Variants in SUMF1 observed in about 807,000 individuals in gnomAD.
SUMF1 encodes sulfatase modifying factor 1.
Under a neutral mutation model 47.6 loss-of-function variants are expected in SUMF1, and 48 were observed. The observed-to-expected ratio is 1.01, with a 90% CI of 0.80 to 1.28. SUMF1 has a LOEUF of 1.28. Among genes scored for constraint, SUMF1 ranks in the 50% most tolerant of loss-of-function variants. SUMF1 has a pLI of 0.00. For synonymous variants in SUMF1, 230 were observed against 192.1 expected (o/e 1.20, Z -1.63); for missense variants, 571 against 485.4 (o/e 1.18, Z -1.66).
At chr3:4,085,424 A>T (rs1692651048) in intron 8 of SUMF1, among the ~76,000 whole-genome samples, 1 of 151,990 alleles carries the variant, frequency 6.6e-6, no homozygotes. Flanking sequence ...ACCAGTGATG[A>T]TCTTTCTTCA....
At chr3:4,225,191 T>C (rs1054758622) in intron 8 of SUMF1, among the ~76,000 whole-genome samples, 6 of 152,118 alleles carry the variant, frequency 3.9e-5, no homozygotes, top group African/African-American at 1.4e-4. Flanking sequence ...CCACTGGAGA[T>C]AGTTAATCTT....
chr3:4,081,777 A>C (rs1230979514), intron 8 of SUMF1, among the ~76,000 whole-genome samples: 2 of 152,198 alleles, frequency 1.3e-5, no homozygotes, highest in Non-Finnish European at 2.9e-5. Context: ...TACTCAATCC[A>C]ACACAACTAG....
intron 7 of SUMF1, among the ~76,000 whole-genome samples, chr3:4,405,929 A>C (rs1701360447): frequency 6.6e-6 from 1 of 152,180 alleles, no homozygotes; most frequent in Admixed American, 6.5e-5. Context: ...GTTTTCATGG[A>C]GAGAATGAGT....
At chr3:4,180,235 A>C (rs1682476471) in intron 8 of SUMF1, among the ~76,000 whole-genome samples, 1 of 152,210 alleles carries the variant, frequency 6.6e-6, no homozygotes, top group Non-Finnish European at 1.5e-5. Flanking sequence ...CTATAAAGAC[A>C]TATGCACACG....
At chr3:4,308,187 G>C (rs1698265604) in intron 8 of SUMF1, among the ~76,000 whole-genome samples, 1 of 152,208 alleles carries the variant, frequency 6.6e-6, no homozygotes, top group South Asian at 2.1e-4. Context: ...AGAAGTAATG[G>C]AGGAAAGGTA....
At chr3:4,447,592 C>A (rs887490274) in intron 3 of SUMF1, among the ~76,000 whole-genome samples, 1 of 151,900 alleles carries the variant, frequency 6.6e-6, no homozygotes, top group Admixed American at 6.6e-5. Context: ...AAAAAAAGGT[C>A]TGGTGCAGTG....
At chr3:4,350,355 A>G (rs1035347913) in intron 8 of SUMF1, among the ~76,000 whole-genome samples, 7 of 53,546 alleles carry the variant, frequency 1.3e-4, no homozygotes, top group East Asian at 4.1e-3. Context: ...GTGTGTGTGT[A>G]TAATTGTGTG....
chr3:4,257,693 A>G lies in SUMF1; in HGVS notation c.1014+118637T>C, dbSNP rs1435366408. Reference sequence around the variant, plus strand: ...TGAAAATGGCCATACTGCCCAAGGTAATTTACAGATTCAATGCCATCCCCA... The same window carrying G: ...TGAAAATGGCCATACTGCCCAAGGTGATTTACAGATTCAATGCCATCCCCA... On this transcript the variant is annotated intron_variant and NMD_transcript_variant, in intron 8 of 12. Transcript: ENST00000448413. 2.0e-5 allele frequency among the ~76,000 whole-genome samples: 3 copies of G among 151,014 alleles called. No homozygotes were observed. In the East Asian group the frequency reaches 5.8e-4, roughly 29 times the overall value.
rs1379904754 is a variant in SUMF1 at position 4,225,236 on chromosome 3, C to T, written c.1014+151094G>A. On this transcript the variant is annotated intron_variant and NMD_transcript_variant, in intron 8 of 12. Transcript: ENST00000448413. ...TCTGCTGACAATTGAGCCTTGAAGG[C>T]TCACAGTGCCTCTCCTTGTCACAGC... Among the ~76,000 whole-genome samples the T allele has an allele frequency of 2.6e-5, 4 of 152,116 alleles. No individual in the cohort carries two copies. In the East Asian group the frequency reaches 7.7e-4, roughly 29 times the overall value.
At chr3:4,302,616 C>G (rs1427790935) in intron 8 of SUMF1, among the ~76,000 whole-genome samples, 1 of 152,046 alleles carries the variant, frequency 6.6e-6, no homozygotes, top group Non-Finnish European at 1.5e-5. Context: ...ATGGCCTGAA[C>G]CACTTTCTCA....
chr3:4,367,014 G>A (rs934124552), intron 8 of SUMF1, among the ~76,000 whole-genome samples: 12 of 152,166 alleles, frequency 7.9e-5, no homozygotes, highest in Non-Finnish European at 1.6e-4. Flanking sequence ...TGTCAGCGGC[G>A]GTGGCTGCAG....
chr3:4,398,354 T>C (rs1416058415), intron 7 of SUMF1, among the ~76,000 whole-genome samples: 4 of 152,136 alleles, frequency 2.6e-5, no homozygotes, highest in African/African-American at 9.7e-5. Flanking sequence ...CTTCTACGTG[T>C]GGATATGCAT....
At chr3:4,177,294 G>C (rs139170291) in intron 8 of SUMF1, among the ~76,000 whole-genome samples, 68 of 152,214 alleles carry the variant, frequency 4.5e-4, no homozygotes, top group African/African-American at 1.5e-3. Flanking sequence ...TGGAAGTAAA[G>C]CACTCCTCAG....
intron 8 of SUMF1, among the ~76,000 whole-genome samples, chr3:4,269,490 C>T (rs1458036248): frequency 6.6e-6 from 1 of 152,086 alleles, no homozygotes; most frequent in Admixed American, 6.6e-5. Flanking sequence ...ATAATTAAAG[C>T]GTGTTTAGCA....
At chr3:4,223,228 G>A (rs1333719651) in intron 8 of SUMF1, among the ~76,000 whole-genome samples, 2 of 152,122 alleles carry the variant, frequency 1.3e-5, no homozygotes, top group African/African-American at 4.8e-5. Flanking sequence ...GCACCCTCCA[G>A]CTGCAAAGTA....
At position 4,418,028 on chromosome 3, in the gene SUMF1, C is replaced by A. The variant is rs768700845; in HGVS notation, c.707G>T (p.Arg236Leu). 2 of 1,613,990 alleles carry A rather than the reference C, an allele frequency of 1.2e-6. No homozygotes were observed. The highest frequency in any genetic ancestry group is 1.7e-5 in the Admixed American group (1 of 60,020). The change falls in exon 5 of 9, where the codon CGA (arginine) becomes CTA (leucine). Residue 236 changes from arginine to leucine, a missense_variant. Physicochemically the swap from Arg to Leu is moderately radical, Grantham distance 102. Transcript: ENST00000272902. ...PTEAEWEYSC[R>L]GGLHNRLFPW... is the part of the protein sequence containing the mutation. ...TAAATACCTATTATGCAGGCCTCCT[C>A]GACAGCTGTATTCCCACTCAGCTTC...
At chr3:4,035,775 C>A (rs370982962) in intron 9 of SUMF1, among the ~76,000 whole-genome samples, 7 of 152,188 alleles carry the variant, frequency 4.6e-5, no homozygotes, top group Admixed American at 6.5e-5. Flanking sequence ...TGTGAGGATT[C>A]GAATAATGTC....
At chr3:4,250,423 G>C (rs745540625) in intron 8 of SUMF1, among the ~76,000 whole-genome samples, 3 of 152,260 alleles carry the variant, frequency 2.0e-5, no homozygotes, top group African/African-American at 7.2e-5. Context: ...ACATGAAAGT[G>C]CAAGGTGAAG....
chr3:4,442,638 GAA>G (rs61296884), intron 3 of SUMF1, among the ~76,000 whole-genome samples: 31 of 61,316 alleles, frequency 5.1e-4, no homozygotes, highest in Admixed American at 4.3e-3. Context: ...AGAGAAAAAG[GAA>G]AAAAAAAAAA....
Sources: gnomAD v4.1 joint callset for allele counts (sites outside exome capture counted in the v4.1 genomes callset) on GRCh38, gnomAD v4.1.1 for gene constraint, MANE v1.5 for transcripts, NCBI Gene and HGNC (gene_info 2026-07-23, HGNC 2026-07-21) for gene names.